Variants in FHL2 observed in about 807,000 individuals in gnomAD.
The protein encoded by FHL2 is four and a half LIM domains protein 2.
A neutral mutation model predicts 32.7 loss-of-function variants in FHL2; 20 were observed. The observed-to-expected ratio is 0.61, with a 90% CI of 0.43 to 0.89. The LOEUF is 0.89. Among genes scored for constraint, FHL2 ranks in the 40% least tolerant of loss-of-function variants. The pLI is 0.00. For missense variants in FHL2, 311 were observed against 358.6 expected, an observed-to-expected ratio of 0.87 and a Z score of 1.07; for synonymous variants, 123 against 128.1, an observed-to-expected ratio of 0.96 and a Z score of 0.27.
chr2:105,409,576 G>A (rs927733695), intron 1 of FHL2, among the ~76,000 whole-genome samples: 9 of 152,168 alleles, frequency 5.9e-5, no homozygotes, highest in African/African-American at 1.9e-4. Flanking sequence ...TTAAATATGC[G>A]TATGTGCTTA....
At chr2:105,430,074 C>A (rs1476255308) in intron 1 of FHL2, among the ~76,000 whole-genome samples, 1 of 152,204 alleles carries the variant, frequency 6.6e-6, no homozygotes, top group African/African-American at 2.4e-5. Context: ...GCTCCCACCT[C>A]CCTTCCTTGA....
intron 5 of FHL2, 80 bp downstream of exon 5, chr2:105,367,490 T>C (rs945191985): frequency 7.0e-6 from 10 of 1,429,318 alleles, no homozygotes; most frequent in African/African-American, 2.9e-5. Flanking sequence ...ATCCTTGGTT[T>C]TGGAAAGAGA....
chr2:105,414,237 G>A (rs1455143273), intron 1 of FHL2, among the ~76,000 whole-genome samples: 2 of 152,160 alleles, frequency 1.3e-5, no homozygotes, highest in Non-Finnish European at 2.9e-5. Flanking sequence ...CACCCTCCAG[G>A]AACCTCCCTA....
intron 5 of FHL2, 93 bp downstream of exon 5, chr2:105,367,477 G>A: frequency 7.7e-7 from 1 of 1,301,244 alleles, no homozygotes; most frequent in Non-Finnish European, 1.1e-6. Flanking sequence ...AAGTATCACA[G>A]GTATCCTTGG....
chr2:105,398,875 C>A lies in FHL2; in HGVS notation c.-109G>T. 6.6e-7 allele frequency: 1 copy of A among 1,505,178 alleles called. No homozygotes were observed. Among genetic ancestry groups the A allele is most frequent in the Non-Finnish European group, 8.8e-7 (1 of 1,131,088 alleles). 93.2% of individuals were successfully genotyped at this position (1,505,178 alleles called of 1,614,324 possible). On this transcript the variant is annotated 5_prime_UTR_variant, in exon 1 of 7. It adds an upstream start codon to the 5' untranslated region. Transcript: ENST00000530340. ...CCAACTCCGGCTCTGCTCCCCTCTC[C>A]TTGGGTCTCGCACCGGATTCGGCCC...
At chr2:105,437,389 G>C in intron 1 of FHL2, among the ~76,000 whole-genome samples, 1 of 152,058 alleles carries the variant, frequency 6.6e-6, no homozygotes, top group East Asian at 1.9e-4. Flanking sequence ...TGTATGTACC[G>C]AACACTCACA....
At chr2:105,418,118 T>C (rs970411469) in intron 1 of FHL2, among the ~76,000 whole-genome samples, 2 of 152,144 alleles carry the variant, frequency 1.3e-5, no homozygotes, top group Non-Finnish European at 2.9e-5. Flanking sequence ...AGGTAGTGTA[T>C]TTTCCACCAT....
intron 1 of FHL2, among the ~76,000 whole-genome samples, chr2:105,419,262 G>C (rs1050868928): frequency 6.6e-6 from 1 of 152,180 alleles, no homozygotes; most frequent in Non-Finnish European, 1.5e-5. Context: ...GGTTACGTAA[G>C]TAAGTTCTTT....
intron 5 of FHL2, 49 bp downstream of exon 5, chr2:105,367,521 G>A: frequency 1.3e-6 from 2 of 1,554,108 alleles, no homozygotes; most frequent in Non-Finnish European, 1.7e-6. Context: ...ATGGACCATG[G>A]AGGCAAACCA....
chr2:105,369,965 C>A (rs1027459874), intron 4 of FHL2, among the ~76,000 whole-genome samples: 1 of 152,230 alleles, frequency 6.6e-6, no homozygotes, highest in African/African-American at 2.4e-5. Context: ...TCATATGCAG[C>A]AATACCGGCA....
rs528014184 is a variant in FHL2 at position 105,381,260 on chromosome 2, T to C, written c.156+5101A>G. 1.9e-3 allele frequency among the ~76,000 whole-genome samples: 294 copies of C among 152,290 alleles called. 1 individual carries two copies. The highest frequency in any genetic ancestry group is 3.6e-3 in the Non-Finnish European group (245 of 68,036). ...TCATCAGGTTTCCAACTGTACATTC[T>C]TTCAAATCCTTACAAATAAAGATGC... is the stretch of plus-strand genomic sequence containing the variant. On this transcript the variant is annotated intron_variant, in intron 3 of 6. Coordinates refer to ENST00000530340, the MANE Select transcript of FHL2 (RefSeq NM_001318895.3).
At chr2:105,426,709 T>C (rs550284587) in intron 1 of FHL2, among the ~76,000 whole-genome samples, 3 of 152,320 alleles carry the variant, frequency 2.0e-5, no homozygotes, top group South Asian at 4.1e-4. Flanking sequence ...TTTCCACTTA[T>C]GTTGTGGCAC....
chr2:105,399,118 C>T (rs532245212), upstream of FHL2: 3 of 1,407,536 alleles, frequency 2.1e-6, no homozygotes, highest in East Asian at 3.0e-5. Context: ...AGGAGATGCA[C>T]GCCTCGGCTC....
Position 105,398,830 on chromosome 2 carries a change from C to T in FHL2, c.-76+12G>A, listed in dbSNP as rs775434470. ...TGGTCTTCCCGGACCCACAGCTCTGCTCTCCTCTCACCAGTCTCCCCAACT... is the reference window on the plus strand; with the variant it reads ...TGGTCTTCCCGGACCCACAGCTCTGTTCTCCTCTCACCAGTCTCCCCAACT... On this transcript the variant is annotated intron_variant, in intron 1 of 6. Transcript: ENST00000530340. 1 of 1,430,148 alleles carries T rather than the reference C, an allele frequency of 7.0e-7. No homozygotes were observed. The highest frequency in any genetic ancestry group is 9.2e-7 in the Non-Finnish European group (1 of 1,091,508). 88.6% of individuals were successfully genotyped at this position (1,430,148 alleles called of 1,614,324 possible).
chr2:105,429,029 A>T (rs974233697), intron 1 of FHL2, among the ~76,000 whole-genome samples: 12 of 152,210 alleles, frequency 7.9e-5, no homozygotes, highest in African/African-American at 2.9e-4. Flanking sequence ...TTGAAAGTTA[A>T]CTGTGAGCCT....
downstream of FHL2, chr2:105,358,784 G>A (rs1680109982): frequency 1.3e-5 from 2 of 152,174 alleles, no homozygotes; most frequent in Admixed American, 1.3e-4. Context: ...AATGCTTTTA[G>A]CCTTGGCTGG....
intron 4 of FHL2, among the ~76,000 whole-genome samples, chr2:105,370,496 C>T (rs2104518955): frequency 6.6e-6 from 1 of 152,162 alleles, no homozygotes; most frequent in Middle Eastern, 3.4e-3. Flanking sequence ...AATAGGGGCG[C>T]GAGAGCCGGT....
chr2:105,389,109 T>A (rs904009077), intron 2 of FHL2, among the ~76,000 whole-genome samples: 4 of 152,196 alleles, frequency 2.6e-5, no homozygotes, highest in African/African-American at 7.2e-5. Context: ...ATAATTCTCT[T>A]CCAAGAGCAA....
chr2:105,399,723 G>C, upstream of FHL2: 2 of 1,147,132 alleles, frequency 1.7e-6, no homozygotes, highest in Non-Finnish European at 2.4e-6. Context: ...TGACGCTGAC[G>C]CTGGGTAGGG....
Sources: allele counts gnomAD v4.1 joint callset (sites outside exome capture counted in the v4.1 genomes callset), GRCh38; gene constraint gnomAD v4.1.1; transcripts MANE v1.5; gene names NCBI Gene and HGNC (gene_info 2026-07-23, HGNC 2026-07-21).